The following CRISPLD2 variants were observed in gnomAD, a reference collection of about 807,000 sequenced individuals.
The protein encoded by CRISPLD2 is cysteine-rich secretory protein LCCL domain-containing 2.
A neutral mutation model predicts 71.1 loss-of-function variants in CRISPLD2; 47 were observed. The observed-to-expected ratio is 0.66, with a 90% confidence interval of 0.52 to 0.84. The LOEUF (loss-of-function observed/expected upper bound fraction) is 0.84, where lower values mean the gene tolerates loss of function less well. Ranked by LOEUF, CRISPLD2 falls within the 40% of genes least tolerant of loss-of-function variation. The pLI, the probability that CRISPLD2 is intolerant of heterozygous loss-of-function variation, is 0.00. For synonymous variants in CRISPLD2, 317 were observed against 250.1 expected (o/e 1.27, Z -2.52); for missense variants, 830 against 651.1 (o/e 1.27, Z -2.99).
intron 4 of CRISPLD2, 51 bp from the exon 5 acceptor site, chr16:84,850,517 C>A: frequency 6.7e-7 from 1 of 1,495,998 alleles, no homozygotes; most frequent in Non-Finnish European, 9.3e-7. Context: ...ATGATATCAC[C>A]CTTTTGTGCC....
At chr16:84,852,032 T>C (rs974285805) in intron 5 of CRISPLD2, among the ~76,000 whole-genome samples, 2 of 152,108 alleles carry the variant, frequency 1.3e-5, no homozygotes, top group African/African-American at 4.8e-5. Flanking sequence ...GGGTGGCAGA[T>C]CAAGGTGTGG....
At chr16:84,892,578 C>G (rs1337028272) in intron 14 of CRISPLD2, among the ~76,000 whole-genome samples, 2 of 152,104 alleles carry the variant, frequency 1.3e-5, no homozygotes, top group African/African-American at 4.8e-5. Flanking sequence ...TCACTGAGAC[C>G]TAAAATGGGC....
chr16:84,904,021 T>C (rs982520310), intron 14 of CRISPLD2, among the ~76,000 whole-genome samples: 1 of 152,084 alleles, frequency 6.6e-6, no homozygotes. Context: ...AGGAACAGTA[T>C]CAAACCTGGT....
At chr16:84,828,753 T>C (rs1462272009) in intron 1 of CRISPLD2, among the ~76,000 whole-genome samples, 2 of 152,140 alleles carry the variant, frequency 1.3e-5, no homozygotes, top group African/African-American at 4.8e-5. Context: ...TCTTTTTTTT[T>C]CACATAGTGC....
chr16:84,854,696 C>A, intron 5 of CRISPLD2, 33 bp from the exon 6 acceptor site: 1 of 1,540,100 alleles, frequency 6.5e-7, no homozygotes, highest in African/African-American at 1.4e-5. Flanking sequence ...CGTCGTGGTT[C>A]CCTCTGACGG....
At chr16:84,891,434 T>TACGTG (rs1475657657) in intron 14 of CRISPLD2, among the ~76,000 whole-genome samples, 1 of 152,168 alleles carries the variant, frequency 6.6e-6, no homozygotes, top group Non-Finnish European at 1.5e-5. Context: ...TCGGCAGCCC[T>TACGTG]GAAGAGCCCA....
chr16:84,859,353 C>A (rs1917323511), intron 6 of CRISPLD2, among the ~76,000 whole-genome samples: 5 of 152,162 alleles, frequency 3.3e-5, no homozygotes, highest in Admixed American at 3.3e-4. Context: ...TTTGGGTCCC[C>A]TGGAGTCAAC....
At chr16:84,869,505 CAGG>C (rs1333791339) in intron 8 of CRISPLD2, among the ~76,000 whole-genome samples, 1 of 152,164 alleles carries the variant, frequency 6.6e-6, no homozygotes, top group Non-Finnish European at 1.5e-5. Context: ...TTCAGTTTGC[CAGG>C]AGAACACTTC....
chr16:84,851,688 C>G (rs1195497252), intron 5 of CRISPLD2, among the ~76,000 whole-genome samples: 4 of 152,174 alleles, frequency 2.6e-5, no homozygotes, highest in Admixed American at 1.3e-4. Flanking sequence ...ACGCAGGCAC[C>G]ATGCAAGAGC....
intron 2 of CRISPLD2, among the ~76,000 whole-genome samples, chr16:84,845,059 G>T (rs562134055): frequency 1.7e-4 from 26 of 152,318 alleles, no homozygotes; most frequent in Admixed American, 1.0e-3. Context: ...AATAGCATCT[G>T]ATTATTACCT....
At chr16:84,833,323 C>A (rs762434819) in intron 1 of CRISPLD2, among the ~76,000 whole-genome samples, 1 of 152,162 alleles carries the variant, frequency 6.6e-6, no homozygotes, top group Non-Finnish European at 1.5e-5. Flanking sequence ...TTCATGAGGT[C>A]TCGGAGCCGT....
chr16:84,851,472 C>T (rs1214135915), intron 5 of CRISPLD2, among the ~76,000 whole-genome samples: 1 of 152,016 alleles, frequency 6.6e-6, no homozygotes, highest in African/African-American at 2.4e-5. Flanking sequence ...GGCATGTTTG[C>T]TCAGTGACTG....
chr16:84,872,962 G>A (rs1180310397), intron 9 of CRISPLD2, 30 bp from the exon 10 acceptor site: 4 of 1,586,080 alleles, frequency 2.5e-6, no homozygotes, highest in East Asian at 2.3e-5. Flanking sequence ...TTGAGAATGT[G>A]CCTCTGGTCT....
chr16:84,833,251 G>GAAAGCTCTGACCTGAAAGCTCACCA (rs1916530926), intron 1 of CRISPLD2, among the ~76,000 whole-genome samples: 1 of 152,118 alleles, frequency 6.6e-6, no homozygotes, highest in Non-Finnish European at 1.5e-5. Context: ...ATTGACCCTG[G>GAAAGCTCTGACCTGAAAGCTCACCA]GACCTGAAAG....
intron 1 of CRISPLD2, among the ~76,000 whole-genome samples, chr16:84,826,036 C>T (rs1916343619): frequency 6.6e-6 from 1 of 152,096 alleles, no homozygotes; most frequent in South Asian, 2.1e-4. Context: ...CCCTGGAGAC[C>T]TGGATCAGAA....
chr16:84,838,822 C>G lies in CRISPLD2; in HGVS notation c.240+87C>G, dbSNP rs774475322. 6.8e-5 allele frequency: 103 copies of G among 1,503,888 alleles called. No individual in the cohort carries two copies. The African/African-American group carries it at 1.2e-3, about 17-fold the overall frequency. 93.2% of individuals were successfully genotyped at this position (1,503,888 alleles called of 1,614,324 possible). A position where few individuals can be genotyped will look rare whatever the true frequency, so the allele number is the denominator to read the frequency against. ...CTCTGTTCCCCAGCCAGCTCTGTTC[C>G]CCAGCCAGTGCGTGTGATGGCTGGC... On this transcript the variant is annotated intron_variant, in intron 2 of 14. Coordinates refer to ENST00000262424, the MANE Select transcript of CRISPLD2 (RefSeq NM_031476.4).
At chr16:84,846,902 A>G (rs953473260) in intron 3 of CRISPLD2, among the ~76,000 whole-genome samples, 2 of 152,192 alleles carry the variant, frequency 1.3e-5, no homozygotes, top group African/African-American at 4.8e-5. Flanking sequence ...TGGACCATGT[A>G]TCCGTGCTCC....
At chr16:84,852,357 G>A (rs1485364149) in intron 5 of CRISPLD2, among the ~76,000 whole-genome samples, 1 of 145,788 alleles carries the variant, frequency 6.9e-6, no homozygotes, top group Non-Finnish European at 1.5e-5. Flanking sequence ...GCTCTCTCGT[G>A]CCCTACAAAG....
At chr16:84,858,873 A>G (rs1252668253) in intron 6 of CRISPLD2, among the ~76,000 whole-genome samples, 1 of 152,144 alleles carries the variant, frequency 6.6e-6, no homozygotes, top group Non-Finnish European at 1.5e-5. Flanking sequence ...CAATGAAACC[A>G]CATCTGGTGC....
Sources: allele counts gnomAD v4.1 joint callset (sites outside exome capture counted in the v4.1 genomes callset), GRCh38; gene constraint gnomAD v4.1.1; transcripts MANE v1.5; gene names NCBI Gene and HGNC (gene_info 2026-07-23, HGNC 2026-07-21).